The following CFAP299 variants were observed in gnomAD, a reference collection of about 807,000 sequenced individuals.
CFAP299 encodes cilia- and flagella-associated protein 299.
A neutral mutation model predicts 27.0 loss-of-function variants in CFAP299; 21 were observed. That is an observed-to-expected ratio of 0.78 (90% CI 0.55 to 1.12). The LOEUF is 1.12. CFAP299 is among the 50% of genes most tolerant of loss of function. CFAP299 has a pLI of 0.00. For synonymous variants in CFAP299, 104 were observed against 98.1 expected, an observed-to-expected ratio of 1.06 and a Z score of -0.36; for missense variants, 310 against 276.6, an observed-to-expected ratio of 1.12 and a Z score of -0.86.
intron 2 of CFAP299, among the ~76,000 whole-genome samples, chr4:80,437,251 A>T (rs1169756249): frequency 6.6e-6 from 1 of 152,170 alleles, no homozygotes; most frequent in Non-Finnish European, 1.5e-5. Flanking sequence ...GCTAGTGCTG[A>T]TGTATACATA....
intron 3 of CFAP299, among the ~76,000 whole-genome samples, chr4:80,751,201 G>A (rs964081528): frequency 1.3e-5 from 2 of 152,084 alleles, no homozygotes; most frequent in African/African-American, 4.8e-5. Flanking sequence ...TTTCCTGGGA[G>A]AGACCCTCTC....
At chr4:80,406,882 G>A (rs1382638264) in intron 2 of CFAP299, among the ~76,000 whole-genome samples, 1 of 152,170 alleles carries the variant, frequency 6.6e-6, no homozygotes, top group Non-Finnish European at 1.5e-5. Context: ...TAGTAATGAG[G>A]CACAGACAAG....
intron 3 of CFAP299, among the ~76,000 whole-genome samples, chr4:80,717,264 G>C (rs912120757): frequency 7.9e-5 from 12 of 152,200 alleles, no homozygotes; most frequent in African/African-American, 2.6e-4. Flanking sequence ...CCCTAAAAGG[G>C]ATGGTCTCCC....
intron 3 of CFAP299, among the ~76,000 whole-genome samples, chr4:80,799,437 A>T (rs1193210580): frequency 4.3e-5 from 4 of 92,146 alleles, no homozygotes; most frequent in Non-Finnish European, 7.4e-5. Context: ...TAATATATAT[A>T]ATATTTATAA....
chr4:80,328,503 GT>G, the CFAP299 span, among the ~76,000 whole-genome samples: 1 of 148,764 alleles, frequency 6.7e-6, no homozygotes, highest in African/African-American at 2.5e-5. Context: ...TATTGTGTGG[GT>G]AGGTAGGGGT....
At chr4:80,849,093 A>G (rs1000864152) in intron 3 of CFAP299, among the ~76,000 whole-genome samples, 4 of 152,234 alleles carry the variant, frequency 2.6e-5, no homozygotes, top group African/African-American at 9.6e-5. Flanking sequence ...TTGTAATAAC[A>G]CAATATAAAA....
intron 3 of CFAP299, among the ~76,000 whole-genome samples, chr4:80,711,100 C>T (rs571771148): frequency 1.3e-5 from 2 of 152,324 alleles, no homozygotes; most frequent in East Asian, 3.9e-4. Context: ...TACACAGGCA[C>T]ACTTGTGCCC....
chr4:80,835,201 G>T (rs371467887), intron 3 of CFAP299, among the ~76,000 whole-genome samples: 1 of 151,938 alleles, frequency 6.6e-6, no homozygotes, highest in Admixed American at 6.6e-5. Context: ...CCAGGTTCAC[G>T]CCATTCTCCT....
Position 80,785,773 on chromosome 4 carries a change from AT to A in CFAP299, c.334-84213del, listed in dbSNP as rs933837970. The stretch of plus-strand genomic sequence containing the variant: ...GTTTATTGAAGCCATCTGAATGGAT[AT>A]TTTTTTCCCAATGGTTACTGAGCTT... On this transcript the variant is annotated intron_variant, in intron 3 of 5. Transcript: ENST00000358105. Among the ~76,000 whole-genome samples the A allele has an allele frequency of 9.2e-5, 14 of 152,138 alleles. No homozygotes were observed. In the South Asian group the frequency reaches 1.7e-3, roughly 18 times the overall value.
At chr4:80,410,357 G>T (rs1257787613) in intron 2 of CFAP299, among the ~76,000 whole-genome samples, 1 of 152,136 alleles carries the variant, frequency 6.6e-6, no homozygotes, top group African/African-American at 2.4e-5. Context: ...CCACCTCAGT[G>T]CAGGGAAATA....
chr4:80,386,714 T>C, intron 2 of CFAP299: 2 of 1,566,428 alleles, frequency 1.3e-6, no homozygotes. Context: ...GGCGCATTTG[T>C]GGAGCTTCAT....
intron 3 of CFAP299, among the ~76,000 whole-genome samples, chr4:80,760,224 A>G (rs1037921466): frequency 6.6e-6 from 1 of 152,198 alleles, no homozygotes; most frequent in Admixed American, 6.5e-5. Context: ...AAAGAAATAC[A>G]TTAGTGATTA....
intron 3 of CFAP299, among the ~76,000 whole-genome samples, chr4:80,808,381 T>C (rs1728972026): frequency 6.6e-6 from 1 of 152,164 alleles, no homozygotes; most frequent in Admixed American, 6.6e-5. Context: ...TAGTTTAGCC[T>C]GAAATACTAA....
At chr4:80,612,012 T>C (rs1355726306) in intron 3 of CFAP299, among the ~76,000 whole-genome samples, 1 of 152,132 alleles carries the variant, frequency 6.6e-6, no homozygotes, top group Non-Finnish European at 1.5e-5. Context: ...AAATCGTCGA[T>C]GATGGTCATG....
intron 3 of CFAP299, among the ~76,000 whole-genome samples, chr4:80,700,097 A>G (rs1306031777): frequency 6.6e-6 from 1 of 152,164 alleles, no homozygotes; most frequent in East Asian, 1.9e-4. Flanking sequence ...GTGAAGAAAA[A>G]TGAGAAGTTA....
intron 3 of CFAP299, among the ~76,000 whole-genome samples, chr4:80,620,110 T>G (rs1738496697): frequency 6.6e-6 from 1 of 152,130 alleles, no homozygotes; most frequent in African/African-American, 2.4e-5. Flanking sequence ...CTAAATATTT[T>G]CATGAGTTAA....
At chr4:80,399,293 A>G (rs1326898522) in intron 2 of CFAP299, among the ~76,000 whole-genome samples, 1 of 152,184 alleles carries the variant, frequency 6.6e-6, no homozygotes, top group Non-Finnish European at 1.5e-5. Flanking sequence ...CGATTCCTCA[A>G]GGATCTAGAA....
At chr4:80,616,251 T>G (rs1162586518) in intron 3 of CFAP299, among the ~76,000 whole-genome samples, 3 of 152,096 alleles carry the variant, frequency 2.0e-5, no homozygotes, top group African/African-American at 7.2e-5. Flanking sequence ...TTCTGTTTGC[T>G]CCAAAATATG....
chr4:80,482,990 G>A (rs1245754522), intron 2 of CFAP299, among the ~76,000 whole-genome samples: 1 of 152,152 alleles, frequency 6.6e-6, no homozygotes, highest in African/African-American at 2.4e-5. Flanking sequence ...CTGTGATTAT[G>A]TTACCTTACA....
Sources: allele counts gnomAD v4.1 joint callset (sites outside exome capture counted in the v4.1 genomes callset), GRCh38; gene constraint gnomAD v4.1.1; transcripts MANE v1.5; gene names NCBI Gene and HGNC (gene_info 2026-07-23, HGNC 2026-07-21).